Variants in PLEKHN1 observed in about 807,000 individuals in gnomAD.
PLEKHN1 encodes pleckstrin homology domain-containing family N member 1.
Under a neutral mutation model 72.8 loss-of-function variants are expected in PLEKHN1, and 68 were observed. The observed-to-expected ratio is 0.93, with a 90% CI of 0.77 to 1.14. The LOEUF (loss-of-function observed/expected upper bound fraction) is 1.14. Among genes scored for constraint, PLEKHN1 ranks in the 50% most tolerant of loss-of-function variants. The pLI is 0.00. For missense variants in PLEKHN1, 1,015 were observed against 840.5 expected (o/e 1.21, Z -2.57); for synonymous variants, 454 against 371.6 (o/e 1.22, Z -2.55).
In PLEKHN1 at chr1:970,781, C is replaced by T. The variant is rs771921242; in HGVS notation, c.484+23C>T. 3 of 1,612,748 alleles carry T rather than the reference C, an allele frequency of 1.9e-6. No homozygotes were observed. The South Asian group carries it at 3.3e-5, about 18-fold the overall frequency. On this transcript the variant is annotated intron_variant, in intron 5 of 15. Transcript: ENST00000379410. This position sits in a 1 kb window ranked among gnomAD's most constrained non-coding sequence, Gnocchi z 4.2. ...CAGGTGTTTGGGATGCTTCCCGGGCCCCCAGAGGCACTCCTGACCCAGGAC... is the reference window on the plus strand; with the variant it reads ...CAGGTGTTTGGGATGCTTCCCGGGCTCCCAGAGGCACTCCTGACCCAGGAC...
intron 13 of PLEKHN1, 92 bp from the exon 14 acceptor site, chr1:973,741 C>T: frequency 6.4e-7 from 1 of 1,564,144 alleles, no homozygotes; most frequent in Non-Finnish European, 8.7e-7. Context: ...GGGGCTGCCC[C>T]AAGCCTGAGG....
At chr1:974,168 G>A (rs1643495850) in intron 14 of PLEKHN1, 117 bp downstream of exon 14, 2 of 1,473,306 alleles carry the variant, frequency 1.4e-6, no homozygotes, top group Non-Finnish European at 1.9e-6. Context: ...GGGGGCAGAT[G>A]GAGGCCAGGG....
chr1:973,595 C>G lies in PLEKHN1; in HGVS notation c.1389C>G (p.Pro463=). Residue 463 remains proline, a synonymous_variant, in exon 13 of 16, where the codon CCC becomes CCG. Transcript: ENST00000379410. The part of the protein sequence containing the change: ...SPLYADPYTP[P]ATSHRRVTDV... ...TCTATGCCGACCCCTACACACCACC[C>G]GCCACCTCCCACCGCAGGGTCACAG... 6.2e-7 allele frequency: 1 copy of G among 1,613,258 alleles called. No homozygotes were observed. The highest frequency in any genetic ancestry group is 8.5e-7 in the Non-Finnish European group (1 of 1,179,988).
intron 8 of PLEKHN1, among the ~76,000 whole-genome samples, 193 bp from the exon 9 acceptor site, chr1:971,882 G>A (rs542067970): frequency 6.6e-5 from 10 of 152,344 alleles, no homozygotes; most frequent in East Asian, 1.9e-4. Flanking sequence ...CCTAGCCGGC[G>A]AAGGCCCCCG....
intron 2 of PLEKHN1, among the ~76,000 whole-genome samples, chr1:969,732 CTGTAT>C (rs1643200810): frequency 6.7e-6 from 1 of 149,268 alleles, no homozygotes; most frequent in African/African-American, 2.4e-5. Context: ...GCATCTGTGT[CTGTAT>C]TGTGTGGCAT....
chr1:969,385 A>G (rs924819989), intron 2 of PLEKHN1, among the ~76,000 whole-genome samples: 1 of 131,058 alleles, frequency 7.6e-6, no homozygotes, highest in Admixed American at 7.7e-5. Flanking sequence ...ATATGTGTGC[A>G]CACATCTGTG....
chr1:971,476 G>A (rs1053683781), intron 8 of PLEKHN1, 72 bp downstream of exon 8: 21 of 1,359,818 alleles, frequency 1.5e-5, no homozygotes, highest in Middle Eastern at 2.5e-4. Context: ...CAGCCATGCA[G>A]GAGGAACCTG....
rs1643452662 is a variant in PLEKHN1, at chr1:973,556, A to G, written c.1350A>G (p.Thr450=). Residue 450 remains threonine, a synonymous_variant, in exon 13 of 16, where the codon ACA becomes ACG. Coordinates refer to ENST00000379410, the MANE Select transcript of PLEKHN1 (RefSeq NM_032129.3). ...ATGCCCCTGACCACACTTCGGAAAC[A>G]TCACACTCGCCCCTCTATGCCGACC... ...SPDAPDHTSE[T]SHSPLYADPY... is the part of the protein sequence containing the mutation. The G allele has an allele frequency of 1.4e-5, 22 of 1,613,060 alleles. No homozygotes were observed. Among genetic ancestry groups the G allele is most frequent in the Non-Finnish European group, 1.9e-5 (22 of 1,179,940 alleles).
Position 966,758 on chromosome 1 carries a change from C to T in PLEKHN1, c.138C>T (p.Ser46=), listed in dbSNP as rs1001804580. 5.1e-6 allele frequency: 8 copies of T among 1,573,316 alleles called. No homozygotes were observed. The highest frequency in any genetic ancestry group is 1.8e-5 in the Admixed American group (1 of 54,694). The change falls in exon 2 of 16, where the codon AGC becomes AGT. Residue 46 remains serine (S), a synonymous_variant. Coordinates refer to ENST00000379410, the MANE Select transcript of PLEKHN1 (RefSeq NM_032129.3). Reference sequence around the variant, plus strand: ...TGCCGGGCCCCGAGGCTGCTCGAAGCGGGGACGCCGCCGCCAACAAGCTCT... The same window carrying T: ...TGCCGGGCCCCGAGGCTGCTCGAAGTGGGGACGCCGCCGCCAACAAGCTCT... ...AGLPGPEAAR[S]GDAAANKLFH...
At position 966,699 on chromosome 1, in the gene PLEKHN1, C is replaced by G. The variant is rs1392416009; in HGVS notation, c.84-5C>G. ...AAGCCACGAGACCCCTTGCCTTGTCCCCAGAGAGGACAGCGCGCGGATGTC... is the reference window on the plus strand; with the variant it reads ...AAGCCACGAGACCCCTTGCCTTGTCGCCAGAGAGGACAGCGCGCGGATGTC... On this transcript the variant is annotated splice_region_variant and splice_polypyrimidine_tract_variant and intron_variant, in intron 1 of 15. Transcript: ENST00000379410. The G allele has an allele frequency of 6.3e-7, 1 of 1,579,020 alleles. No individual in the cohort carries two copies. The highest frequency in any genetic ancestry group is 1.4e-5 in the African/African-American group (1 of 74,030).
intron 2 of PLEKHN1, among the ~76,000 whole-genome samples, chr1:967,696 A>G (rs994876449): frequency 2.0e-5 from 3 of 152,178 alleles, no homozygotes; most frequent in African/African-American, 7.2e-5. Context: ...CCAGAGTTTC[A>G]GGGCTCCCTG....
intron 2 of PLEKHN1, among the ~76,000 whole-genome samples, chr1:967,269 G>T (rs961927744): frequency 2.6e-5 from 4 of 152,128 alleles, no homozygotes; most frequent in Non-Finnish European, 4.4e-5. Flanking sequence ...CTCTGTGCAC[G>T]CGCCGGCCTC....
Position 972,995 on chromosome 1 carries a change from C to G in PLEKHN1, c.1137C>G (p.Ser379=). Residue 379 remains serine (S), a synonymous_variant, in exon 11 of 16, where the codon TCC becomes TCG. Transcript: ENST00000379410. ...ESSVPSTVGC[S]SQHTPDQANS... Reference sequence around the variant, plus strand: ...CAGTGCCATCCACCGTGGGCTGCTCCTCCCAGCACACACCGGTGAGCGCTT... The same window carrying G: ...CAGTGCCATCCACCGTGGGCTGCTCGTCCCAGCACACACCGGTGAGCGCTT... The G allele has an allele frequency of 6.3e-7, 1 of 1,598,140 alleles. No individual in the cohort carries two copies. The highest frequency in any genetic ancestry group is 2.3e-5 in the East Asian group (1 of 44,380).
At chr1:966,983 G>A (rs1322345617) in intron 2 of PLEKHN1, among the ~76,000 whole-genome samples, 180 bp downstream of exon 2, 3 of 152,212 alleles carry the variant, frequency 2.0e-5, no homozygotes, top group Non-Finnish European at 4.4e-5. Context: ...AAGTCTGAGC[G>A]GAGAGCGAAA....
At position 973,900 on chromosome 1, in the gene PLEKHN1, C is replaced by T. The variant is rs1203538347; in HGVS notation, c.1502C>T (p.Ser501Phe). The T allele has an allele frequency of 1.2e-6, 2 of 1,611,336 alleles. No homozygotes were observed. Among genetic ancestry groups the T allele is most frequent in the Non-Finnish European group, 1.7e-6 (2 of 1,179,894 alleles). Residue 501 changes from serine to phenylalanine, a missense_variant, in exon 14 of 16, where the codon TCT becomes TTT. Transcript: ENST00000379410. ...AGCCCACTCCCCTCGGTGCCTGTGTCTGTGCCTGCCTCTGACCCTCGCTCC... is the reference window on the plus strand; with the variant it reads ...AGCCCACTCCCCTCGGTGCCTGTGTTTGTGCCTGCCTCTGACCCTCGCTCC... ...PSSPLPSVPV[S>F]VPASDPRSCS...
In PLEKHN1 at chr1:973,865, C is replaced by G. The variant is rs369223796; in HGVS notation, c.1467C>G (p.Pro489=). Reference sequence around the variant, plus strand: ...GTGCCATGCAGAGTGCACGTGGACCCACGCCCTCGAGCCCACTCCCCTCGG... The same window carrying G: ...GTGCCATGCAGAGTGCACGTGGACCGACGCCCTCGAGCCCACTCCCCTCGG... ...FLSAMQSARG[P]TPSSPLPSVP... The change falls in exon 14 of 16, where the codon CCC becomes CCG. Residue 489 remains proline, a synonymous_variant. Transcript: ENST00000379410. 15 of 1,610,502 alleles carry G rather than the reference C, an allele frequency of 9.3e-6. No homozygotes were observed. Among genetic ancestry groups the G allele is most frequent in the Non-Finnish European group, 1.3e-5 (15 of 1,179,870 alleles).
At position 973,265 on chromosome 1, in the gene PLEKHN1, G is replaced by A. The variant is rs1245884274; in HGVS notation, c.1232G>A (p.Gly411Glu). 4.5e-6 allele frequency: 7 copies of A among 1,544,480 alleles called. No individual in the cohort carries two copies. The highest frequency in any genetic ancestry group is 6.1e-6 in the Non-Finnish European group (7 of 1,142,282). ...CGCAGTGGCAGCAGCCGGTCACCCG[G>A]GAGCAAGGCCCGGGCAGAGGGCCGC... ...LRRSGSSRSP[G>E]SKARAEGRGP... The change falls in exon 12 of 16, where the codon GGG becomes GAG. Residue 411 changes from glycine to glutamate, a missense_variant. Transcript: ENST00000379410.
rs112235940 is a variant in PLEKHN1 at position 972,360 on chromosome 1, G to C, written c.938G>C (p.Arg313Pro). The C allele has an allele frequency of 3.1e-6, 5 of 1,604,768 alleles. No individual in the cohort carries two copies. In the African/African-American group the frequency reaches 6.7e-5, roughly 21 times the overall value. ...TACGGTCACTGGCTGCTGTGCCTTCGCGCTGTCACCCACAGGGAGGGGGCC... is the reference window on the plus strand; with the variant it reads ...TACGGTCACTGGCTGCTGTGCCTTCCCGCTGTCACCCACAGGGAGGGGGCC... ...EDYGHWLLCL[R>P]AVTHREGAPP... The change falls in exon 10 of 16, where the codon CGC (arginine) becomes CCC (proline). Residue 313 changes from arginine (R) to proline (P), a missense_variant. By Grantham distance (103) the Arg-to-Pro change is moderately radical. Coordinates refer to ENST00000379410, the MANE Select transcript of PLEKHN1 (RefSeq NM_032129.3).
chr1:968,386 C>T, intron 2 of PLEKHN1, among the ~76,000 whole-genome samples: 1 of 152,370 alleles, frequency 6.6e-6, no homozygotes, highest in African/African-American at 2.4e-5. Context: ...TCACACCCGT[C>T]CCTTTTCTGA....
Sources: gnomAD v4.1 joint callset for allele counts (sites outside exome capture counted in the v4.1 genomes callset) on GRCh38, gnomAD v4.1.1 for gene constraint, Gnocchi (gnomAD v3.1) non-coding constraint, MANE v1.5 for transcripts, NCBI Gene and HGNC (gene_info 2026-07-23, HGNC 2026-07-21) for gene names.